Variants in KLHL29 observed in about 807,000 individuals in gnomAD.
KLHL29 encodes kelch-like protein 29.
In KLHL29, 21 loss-of-function variants were observed where a neutral mutation model predicts 80.4. The observed-to-expected ratio is 0.26, with a 90% CI of 0.19 to 0.38. KLHL29 has a LOEUF of 0.38. Among genes scored for constraint, KLHL29 ranks in the 10% least tolerant of loss-of-function variants. KLHL29 has a pLI of 1.00. For synonymous variants in KLHL29, 511 were observed against 526.8 expected (o/e 0.97, Z 0.41); for missense variants, 867 against 1,223.9 (o/e 0.71, Z 4.35).
intron 2 of KLHL29, among the ~76,000 whole-genome samples, chr2:23,555,191 A>G (rs994682545): frequency 6.6e-6 from 1 of 151,414 alleles, no homozygotes; most frequent in African/African-American, 2.4e-5. Flanking sequence ...TGGCTGACCT[A>G]GCACAGAGGG....
At chr2:23,469,054 C>T (rs1008058193) in intron 1 of KLHL29, among the ~76,000 whole-genome samples, 1 of 152,192 alleles carries the variant, frequency 6.6e-6, no homozygotes, top group Non-Finnish European at 1.5e-5. Context: ...ATTTCTTTGC[C>T]TGTTGTTTTG....
intron 3 of KLHL29, among the ~76,000 whole-genome samples, chr2:23,614,997 C>T (rs1332926317): frequency 1.3e-5 from 2 of 152,144 alleles, no homozygotes; most frequent in Admixed American, 6.5e-5. Context: ...CTCCAAAGCC[C>T]GTTCCAGCCA....
intron 3 of KLHL29, among the ~76,000 whole-genome samples, chr2:23,615,608 G>A (rs1030539764): frequency 2.0e-5 from 3 of 152,158 alleles, no homozygotes; most frequent in Admixed American, 6.5e-5. Context: ...TGCTCTGGGC[G>A]GAGGGAAGTT....
At chr2:23,576,922 C>T (rs955852808) in intron 3 of KLHL29, among the ~76,000 whole-genome samples, 4 of 146,894 alleles carry the variant, frequency 2.7e-5, no homozygotes, top group African/African-American at 9.8e-5. Context: ...GTCAGATAGT[C>T]AGTCAGGCAC....
At chr2:23,409,582 A>AC (rs1247210209) in intron 1 of KLHL29, among the ~76,000 whole-genome samples, 7 of 152,332 alleles carry the variant, frequency 4.6e-5, no homozygotes, top group East Asian at 3.9e-4. Flanking sequence ...CTGTGTTGTA[A>AC]CTATCTCCTA....
chr2:23,456,471 T>C (rs904497644), intron 1 of KLHL29, among the ~76,000 whole-genome samples: 1 of 152,166 alleles, frequency 6.6e-6, no homozygotes, highest in Non-Finnish European at 1.5e-5. Context: ...TGCTCAGGAG[T>C]GTTCATTCTC....
intron 2 of KLHL29, among the ~76,000 whole-genome samples, chr2:23,487,989 C>T (rs1009888464): frequency 2.1e-4 from 32 of 152,192 alleles, no homozygotes; most frequent in Admixed American, 6.5e-4. Context: ...CCCTTCTAGC[C>T]TTTTAACCTC....
intron 3 of KLHL29, among the ~76,000 whole-genome samples, chr2:23,636,330 G>A (rs1669607900): frequency 6.6e-6 from 1 of 151,802 alleles, no homozygotes; most frequent in Non-Finnish European, 1.5e-5. Context: ...TGAACTACAG[G>A]TTGCTTGTAG....
At chr2:23,585,199 TG>T (rs1461560714) in intron 3 of KLHL29, among the ~76,000 whole-genome samples, 1 of 152,104 alleles carries the variant, frequency 6.6e-6, no homozygotes, top group Non-Finnish European at 1.5e-5. Context: ...AAACCACACC[TG>T]TAAAGGTTAG....
chr2:23,634,935 C>T (rs1197350365), intron 3 of KLHL29, among the ~76,000 whole-genome samples: 2 of 133,944 alleles, frequency 1.5e-5, no homozygotes, highest in Non-Finnish European at 3.1e-5. Flanking sequence ...CTCAGAGACC[C>T]TGCCCTCATG....
chr2:23,387,065 C>T (rs1174918151), intron 1 of KLHL29, among the ~76,000 whole-genome samples: 1 of 152,202 alleles, frequency 6.6e-6, no homozygotes, highest in Non-Finnish European at 1.5e-5. Flanking sequence ...CCATCCCCGC[C>T]GCTCTGCAAA....
chr2:23,597,343 G>GTGTGTA (rs1558402719), intron 3 of KLHL29, among the ~76,000 whole-genome samples: 3 of 134,448 alleles, frequency 2.2e-5, no homozygotes, highest in South Asian at 4.7e-4. Flanking sequence ...GTGTGTGTGT[G>GTGTGTA]TGTATGTATA....
chr2:23,439,851 A>G (rs1663459853), intron 1 of KLHL29, among the ~76,000 whole-genome samples: 1 of 151,834 alleles, frequency 6.6e-6, no homozygotes, highest in African/African-American at 2.4e-5. Context: ...GCTGAGTACA[A>G]TTCCTGGGTA....
intron 2 of KLHL29, among the ~76,000 whole-genome samples, chr2:23,486,916 G>C (rs1217071787): frequency 6.6e-6 from 1 of 152,202 alleles, no homozygotes; most frequent in East Asian, 1.9e-4. Context: ...AAGTGCCCAA[G>C]GCTGTGCTAA....
intron 2 of KLHL29, among the ~76,000 whole-genome samples, chr2:23,527,270 T>G (rs144301780): frequency 5.9e-5 from 9 of 152,256 alleles, no homozygotes; most frequent in African/African-American, 1.4e-4. Context: ...GCGACCTGCT[T>G]CTTCTCCCCT....
At position 23,443,349 on chromosome 2, in the gene KLHL29, C is replaced by A. The variant is rs576761988; in HGVS notation, c.-153-32211C>A. Among the ~76,000 whole-genome samples, 4 of 152,306 alleles carry A rather than the reference C, an allele frequency of 2.6e-5. No individual in the cohort carries two copies. The South Asian group carries it at 6.2e-4, about 24-fold the overall frequency. Reference sequence around the variant, plus strand: ...ATTACACCTAATAAGATAAAAAATTCTCCACAATCATCTAACATACAGTCT... The same window carrying A: ...ATTACACCTAATAAGATAAAAAATTATCCACAATCATCTAACATACAGTCT... On this transcript the variant is annotated intron_variant, in intron 1 of 13. Coordinates refer to ENST00000486442, the MANE Select transcript of KLHL29 (RefSeq NM_052920.2).
At chr2:23,485,589 G>A (rs1198384593) in intron 2 of KLHL29, among the ~76,000 whole-genome samples, 1 of 152,196 alleles carries the variant, frequency 6.6e-6, no homozygotes. Context: ...CAGGCTCTCA[G>A]TATGCTCAAC....
At chr2:23,405,299 C>T (rs1666697265) in intron 1 of KLHL29, among the ~76,000 whole-genome samples, 1 of 151,926 alleles carries the variant, frequency 6.6e-6, no homozygotes, top group African/African-American at 2.4e-5. Context: ...GACCATGAAA[C>T]ATGATGGAAA....
chr2:23,476,930 C>T (rs1664656890), intron 2 of KLHL29, among the ~76,000 whole-genome samples: 1 of 152,254 alleles, frequency 6.6e-6, no homozygotes, highest in Non-Finnish European at 1.5e-5. Flanking sequence ...GCAAGGAGGC[C>T]TGGAGCTGGA....
Sources: gnomAD v4.1 joint callset for allele counts (sites outside exome capture counted in the v4.1 genomes callset) on GRCh38, gnomAD v4.1.1 for gene constraint, MANE v1.5 for transcripts, NCBI Gene and HGNC (gene_info 2026-07-23, HGNC 2026-07-21) for gene names.